The following UBOX5 variants were observed in gnomAD, a reference collection of about 807,000 sequenced individuals.
The protein encoded by UBOX5 is U-box domain containing 5, also known as RING finger protein 37.
A neutral mutation model predicts 39.0 loss-of-function variants in UBOX5; 28 were observed. The ratio of observed to expected loss-of-function variants is 0.72; its 90% CI spans 0.53 to 0.98. The LOEUF is 0.98. UBOX5 is among the 50% of genes least tolerant of loss of function. The pLI is 0.00. For missense variants in UBOX5, 585 were observed against 674.4 expected (o/e 0.87, Z 1.47); for synonymous variants, 283 against 275.5 (o/e 1.03, Z -0.27).
intron 1 of UBOX5, chr20:3,148,975 A>T (rs767101686): frequency 6.2e-7 from 1 of 1,614,222 alleles, no homozygotes; most frequent in African/African-American, 1.3e-5. Flanking sequence ...TGCTGCTCAC[A>T]TTCCAGTATG....
chr20:3,135,757 AAAAGTTATTT>A (rs2066466095), intron 1 of UBOX5, among the ~76,000 whole-genome samples: 1 of 147,350 alleles, frequency 6.8e-6, no homozygotes, highest in Admixed American at 6.9e-5. Flanking sequence ...GTTTTGATGT[AAAAGTTATTT>A]CTTACTAAAG....
intron 1 of UBOX5, among the ~76,000 whole-genome samples, chr20:3,153,509 G>T (rs2066652690): frequency 6.6e-6 from 1 of 152,226 alleles, no homozygotes; most frequent in South Asian, 2.1e-4. Context: ...CCAAGGGATT[G>T]AGTGGAGCCT....
chr20:3,155,338 T>C (rs536093221), intron 1 of UBOX5, among the ~76,000 whole-genome samples: 1 of 152,322 alleles, frequency 6.6e-6, no homozygotes, highest in South Asian at 2.1e-4. Context: ...GAGACCAGCC[T>C]GGCCAACGTG....
chr20:3,110,351 A>G (rs1413908036), intron 4 of UBOX5, 37 bp from the exon 5 acceptor site: 7 of 1,611,636 alleles, frequency 4.3e-6, no homozygotes, highest in African/African-American at 1.3e-5. Flanking sequence ...CAGGGTTAGG[A>G]AAGCTGCTCC....
At chr20:3,126,104 G>T (rs1456002853) in intron 1 of UBOX5, among the ~76,000 whole-genome samples, 2 of 152,222 alleles carry the variant, frequency 1.3e-5, no homozygotes, top group African/African-American at 4.8e-5. Context: ...AGAGAGATCA[G>T]ATTGTTACTG....
intron 1 of UBOX5, among the ~76,000 whole-genome samples, chr20:3,126,250 G>T (rs2066387279): frequency 6.6e-6 from 1 of 152,044 alleles, no homozygotes; most frequent in Non-Finnish European, 1.5e-5. Context: ...TGTCAACTCA[G>T]GGTTAAATGG....
intron 1 of UBOX5, among the ~76,000 whole-genome samples, chr20:3,146,045 CA>C (rs58783186): frequency 1.5e-3 from 151 of 102,262 alleles, no homozygotes; most frequent in Middle Eastern, 5.5e-3. Context: ...GACTCCGTCT[CA>C]AAAAAAAAAA....
intron 1 of UBOX5, chr20:3,147,408 A>G (rs1355910403): frequency 1.2e-6 from 2 of 1,614,202 alleles, no homozygotes; most frequent in South Asian, 2.2e-5. Context: ...TCAGGCTTTG[A>G]ATTCATATCC....
intron 4 of UBOX5, 147 bp downstream of exon 4, chr20:3,115,158 A>C: frequency 1.0e-6 from 1 of 998,304 alleles, no homozygotes; most frequent in Non-Finnish European, 1.4e-6. Flanking sequence ...GCAAGAGAAC[A>C]GGTTCTCTCC....
chr20:3,107,737 C>T lies in UBOX5; in HGVS notation c.*2369G>A, dbSNP rs2066221768. ...CTCCTGGGGGTGGCTCCACCTGTAC[C>T]CAGGACAGGGCCTGCCACTCCAGGG... On this transcript the variant is annotated 3_prime_UTR_variant, in exon 5 of 5. Transcript: ENST00000217173. This position sits in a 1 kb window ranked among gnomAD's most constrained non-coding sequence, Gnocchi z 5.0. The T allele has an allele frequency of 6.6e-6, 1 of 152,122 alleles. No homozygotes were observed. The highest frequency in any genetic ancestry group is 1.5e-5 in the Non-Finnish European group (1 of 68,048). The allele number at this position is 152,122 out of a possible 1,614,324, so 9.4% of individuals were successfully genotyped here.
At chr20:3,145,498 G>A (rs1237370656) in intron 1 of UBOX5, among the ~76,000 whole-genome samples, 2 of 150,130 alleles carry the variant, frequency 1.3e-5, no homozygotes, top group Non-Finnish European at 3.0e-5. Flanking sequence ...AAAGCACAGT[G>A]GTGTCATCTC....
intron 1 of UBOX5, among the ~76,000 whole-genome samples, chr20:3,129,453 A>G (rs1353642528): frequency 1.3e-5 from 2 of 152,188 alleles, no homozygotes; most frequent in Admixed American, 6.5e-5. Flanking sequence ...GGTGATAACC[A>G]TAATTTTAAT....
chr20:3,124,240 T>C (rs1284081304), intron 1 of UBOX5, among the ~76,000 whole-genome samples: 2 of 152,100 alleles, frequency 1.3e-5, no homozygotes, highest in Non-Finnish European at 2.9e-5. Flanking sequence ...CCTCTCCCCT[T>C]TCTTCGGTCT....
At chr20:3,110,780 T>C (rs2066247465) in intron 4 of UBOX5, 1 of 186,542 alleles carries the variant, frequency 5.4e-6, no homozygotes, top group African/African-American at 2.4e-5. Context: ...GGAGGATCAC[T>C]TGAAGCCAGG....
chr20:3,121,861 G>A lies in UBOX5; in HGVS notation c.778C>T (p.Pro260Ser), dbSNP rs2066339327. Reference protein sequence around the residue: ...QKLAEIIQDVPEEFLDPITLE... With the variant: ...QKLAEIIQDVSEEFLDPITLE... ...GTGATGGGATCCAGGAACTCCTCAG[G>A]CACATCCTGAATGATCTCGGCCAGC... Residue 260 changes from proline to serine, a missense_variant, in exon 3 of 5, where the codon CCT (proline) becomes TCT (serine). Pro to Ser is a moderately conservative substitution (Grantham distance 74). Coordinates refer to ENST00000217173, the MANE Select transcript of UBOX5 (RefSeq NM_014948.4). 1 of 1,614,038 alleles carries A rather than the reference G, an allele frequency of 6.2e-7. No homozygotes were observed. Among genetic ancestry groups the A allele is most frequent in the Non-Finnish European group, 8.5e-7 (1 of 1,180,028 alleles).
At position 3,122,543 on chromosome 20, in the gene UBOX5, T is replaced by C; in HGVS notation, c.96A>G (p.Glu32=). The C allele has an allele frequency of 1.2e-6, 2 of 1,602,992 alleles. No individual in the cohort carries two copies. The highest frequency in any genetic ancestry group is 1.7e-6 in the Non-Finnish European group (2 of 1,173,036). The change falls in exon 3 of 5, where the codon GAA becomes GAG. Residue 32 remains glutamate, a synonymous_variant. Transcript: ENST00000217173. ...DGYEVENLIS[E]DLTKRSHGFR... The stretch of plus-strand genomic sequence containing the variant: ...AACCATGACTTCTCTTTGTGAGATC[T>C]TCAGAGATGAGATTTTCTACTTCGT...
At chr20:3,133,081 C>T (rs2066442286) in intron 1 of UBOX5, among the ~76,000 whole-genome samples, 1 of 152,080 alleles carries the variant, frequency 6.6e-6, no homozygotes, top group Non-Finnish European at 1.5e-5. Context: ...TGTGTTGTCA[C>T]AGGAGAATGG....
chr20:3,129,085 C>T (rs538117329), intron 1 of UBOX5, among the ~76,000 whole-genome samples: 80 of 152,270 alleles, frequency 5.3e-4, no homozygotes, highest in African/African-American at 1.9e-3. Flanking sequence ...CTTCTCCACC[C>T]GCGTCAGGGG....
At chr20:3,128,457 C>A (rs1234838217) in intron 1 of UBOX5, among the ~76,000 whole-genome samples, 1 of 152,172 alleles carries the variant, frequency 6.6e-6, no homozygotes, top group Non-Finnish European at 1.5e-5. Flanking sequence ...ATATGCAGAA[C>A]GGTGCTGGCC....
Sources: allele counts gnomAD v4.1 joint callset (sites outside exome capture counted in the v4.1 genomes callset), GRCh38; gene constraint gnomAD v4.1.1; non-coding constraint Gnocchi (gnomAD v3.1); transcripts MANE v1.5; gene names NCBI Gene and HGNC (gene_info 2026-07-23, HGNC 2026-07-21).